LRRC4C: variants seen among roughly 807,000 people sequenced by gnomAD.
LRRC4C encodes the protein leucine-rich repeat-containing protein 4C.
In LRRC4C, 5 loss-of-function variants were observed where a neutral mutation model predicts 33.6. That is an observed-to-expected ratio of 0.15 (90% CI 0.08 to 0.31). The LOEUF (loss-of-function observed/expected upper bound fraction) is 0.31. LRRC4C is among the 10% of genes least tolerant of loss of function. LRRC4C has a pLI of 1.00. For synonymous variants in LRRC4C, 329 were observed against 302.0 expected, an observed-to-expected ratio of 1.09 and a Z score of -0.93; for missense variants, 560 against 796.7, an observed-to-expected ratio of 0.70 and a Z score of 3.58.
chr11:40,580,606 C>A (rs1261843344), intron 3 of LRRC4C, among the ~76,000 whole-genome samples: 1 of 151,994 alleles, frequency 6.6e-6, no homozygotes, highest in East Asian at 1.9e-4. Flanking sequence ...ATGTGCTAAT[C>A]CTCTTCATAG....
At chr11:40,167,108 C>A (rs1430768943) in intron 5 of LRRC4C, among the ~76,000 whole-genome samples, 1 of 152,114 alleles carries the variant, frequency 6.6e-6, no homozygotes, top group Non-Finnish European at 1.5e-5. Flanking sequence ...GACCGTTGGC[C>A]TTATCACTCC....
chr11:40,876,203 G>A (rs1263880763), intron 2 of LRRC4C, among the ~76,000 whole-genome samples: 1 of 149,094 alleles, frequency 6.7e-6, no homozygotes, highest in Non-Finnish European at 1.5e-5. Context: ...TACCAACAAA[G>A]TTGGTTCACC....
At chr11:40,172,416 T>G (rs1325111184) in intron 5 of LRRC4C, among the ~76,000 whole-genome samples, 1 of 152,168 alleles carries the variant, frequency 6.6e-6, no homozygotes, top group Non-Finnish European at 1.5e-5. Flanking sequence ...TTTTGAAAAG[T>G]CAATCAGATC....
At chr11:40,913,203 G>C (rs1195759026) in intron 2 of LRRC4C, among the ~76,000 whole-genome samples, 1 of 152,134 alleles carries the variant, frequency 6.6e-6, no homozygotes, top group African/African-American at 2.4e-5. Flanking sequence ...GGACCTAGTA[G>C]ACATCTACAG....
intron 3 of LRRC4C, among the ~76,000 whole-genome samples, chr11:40,392,145 G>A (rs552305436): frequency 1.3e-5 from 2 of 152,282 alleles, no homozygotes; most frequent in South Asian, 2.1e-4. Context: ...GGGATGAGGG[G>A]AAAGGTAAGC....
At chr11:41,078,300 G>T (rs1439213478) in intron 1 of LRRC4C, among the ~76,000 whole-genome samples, 1 of 152,096 alleles carries the variant, frequency 6.6e-6, no homozygotes, top group African/African-American at 2.4e-5. Flanking sequence ...CCATTACCCA[G>T]TTCCAAAGTT....
chr11:40,834,911 GACACAC>G (rs10682975), intron 2 of LRRC4C, among the ~76,000 whole-genome samples: 79 of 84,932 alleles, frequency 9.3e-4, no homozygotes, highest in African/African-American at 2.6e-3. Context: ...CAGACAGACA[GACACAC>G]ACACACACAC....
chr11:40,577,832 CTTTT>C (rs56061263), intron 3 of LRRC4C, among the ~76,000 whole-genome samples: 5,079 of 119,100 alleles, frequency 0.043, 168 homozygotes, highest in African/African-American at 0.15. Context: ...TTTCTTTTTT[CTTTT>C]TTTTTTTTTT....
chr11:41,075,989 A>G (rs1002991403), intron 1 of LRRC4C, among the ~76,000 whole-genome samples: 4 of 152,032 alleles, frequency 2.6e-5, no homozygotes, highest in Non-Finnish European at 5.9e-5. Context: ...GTCTATTTCA[A>G]CTTTCTACCC....
chr11:41,317,104 A>C (rs1950818946), intron 1 of LRRC4C, among the ~76,000 whole-genome samples: 1 of 152,228 alleles, frequency 6.6e-6, no homozygotes, highest in African/African-American at 2.4e-5. Context: ...AGCTCAGCAC[A>C]GAGGAAAGAA....
intron 3 of LRRC4C, among the ~76,000 whole-genome samples, chr11:40,598,258 T>C (rs977056255): frequency 1.3e-5 from 2 of 152,230 alleles, no homozygotes; most frequent in African/African-American, 4.8e-5. Flanking sequence ...TTAAGCTTTC[T>C]TCTACTCAGT....
At position 40,526,854 on chromosome 11, in the gene LRRC4C, T is replaced by C. The variant is rs72883405; in HGVS notation, c.-270+121288A>G. 3.6e-3 allele frequency among the ~76,000 whole-genome samples: 543 copies of C among 152,214 alleles called. 2 individuals are homozygous for C. The highest frequency in any genetic ancestry group is 6.0e-3 in the Non-Finnish European group (406 of 67,980). On this transcript the variant is annotated intron_variant, in intron 3 of 6. Transcript: ENST00000528697. Reference sequence around the variant, plus strand: ...TCATATAATGAATACAGTAACTGAATAAATGGCGATTGCTGTATACAACAA... The same window carrying C: ...TCATATAATGAATACAGTAACTGAACAAATGGCGATTGCTGTATACAACAA...
intron 2 of LRRC4C, among the ~76,000 whole-genome samples, chr11:40,905,417 T>C (rs1276679107): frequency 2.0e-5 from 3 of 152,020 alleles, no homozygotes; most frequent in Non-Finnish European, 4.4e-5. Flanking sequence ...AGTACCATCT[T>C]TGAGGCATCC....
rs149977458 is a variant in LRRC4C at position 40,115,097 on chromosome 11, T to A, written c.1196A>T (p.Tyr399Phe). The A allele has an allele frequency of 1.9e-6, 3 of 1,614,118 alleles. No individual in the cohort carries two copies. In the African/African-American group the frequency reaches 4.0e-5, roughly 22 times the overall value. The change falls in exon 7 of 7, where the codon TAC becomes TTC. Residue 399 changes from tyrosine to phenylalanine, a missense_variant. By Grantham distance (22) the Tyr-to-Phe change is conservative. Coordinates refer to ENST00000528697, the MANE Select transcript of LRRC4C (RefSeq NM_001258419.2). This position sits in a 1 kb window ranked among gnomAD's most constrained non-coding sequence, Gnocchi z 6.7. ...PNGTVMTHGA[Y>F]KVRIAVLSDG... ...ACTGAGCACAGCTATCCGCACTTTG[T>A]ACGCCCCATGTGTCATGACTGTTCC...
intron 1 of LRRC4C, among the ~76,000 whole-genome samples, chr11:41,416,995 A>G (rs1406494937): frequency 6.6e-6 from 1 of 152,038 alleles, no homozygotes; most frequent in Admixed American, 6.6e-5. Flanking sequence ...CCAGATGGAA[A>G]GCATTTTGGC....
chr11:40,203,763 C>T (rs183203461), intron 5 of LRRC4C, among the ~76,000 whole-genome samples: 94 of 152,244 alleles, frequency 6.2e-4, no homozygotes, highest in African/African-American at 2.1e-3. Context: ...TCCAAGCTCC[C>T]TCACTAAAAA....
intron 2 of LRRC4C, among the ~76,000 whole-genome samples, chr11:40,692,526 G>A (rs117077560): frequency 0.013 from 1,915 of 152,140 alleles, 13 homozygotes; most frequent in Middle Eastern, 0.037. Flanking sequence ...ACAAAGCAAA[G>A]GAAGTTAGAG....
At chr11:41,013,986 A>G (rs1855400922) in intron 1 of LRRC4C, among the ~76,000 whole-genome samples, 1 of 152,112 alleles carries the variant, frequency 6.6e-6, no homozygotes, top group Admixed American at 6.5e-5. Context: ...ATCCACCCCC[A>G]TGACCGCGTC....
At chr11:40,773,403 G>C (rs1286679149) in intron 2 of LRRC4C, among the ~76,000 whole-genome samples, 1 of 152,100 alleles carries the variant, frequency 6.6e-6, no homozygotes, top group African/African-American at 2.4e-5. Context: ...TGGGGTAACA[G>C]ATATTCCATA....
Sources: gnomAD v4.1 joint callset for allele counts (sites outside exome capture counted in the v4.1 genomes callset) on GRCh38, gnomAD v4.1.1 for gene constraint, Gnocchi (gnomAD v3.1) non-coding constraint, MANE v1.5 for transcripts, NCBI Gene and HGNC (gene_info 2026-07-23, HGNC 2026-07-21) for gene names.